P2RY8: variants seen among roughly 807,000 people sequenced by gnomAD.
P2RY8 encodes S-geranylgeranyl-glutathione receptor P2RY8.
A neutral mutation model predicts 10.0 loss-of-function variants in P2RY8; 6 were observed. The observed-to-expected ratio is 0.60, with a 90% CI of 0.33 to 1.19. The LOEUF is 1.19. Among genes scored for constraint, P2RY8 ranks in the 50% most tolerant of loss-of-function variants. The pLI is 0.04. For missense variants in P2RY8, 456 were observed against 542.0 expected (o/e 0.84, Z 1.58); for synonymous variants, 276 against 252.5 (o/e 1.09, Z -0.88).
intron 1 of P2RY8, among the ~76,000 whole-genome samples, chrX:1,521,344 C>A (rs1483881226): frequency 9.2e-5 from 14 of 152,148 alleles, no homozygotes; most frequent in Non-Finnish European, 1.5e-4. Context: ...CCGCGCCCGG[C>A]CTTTATCCTC....
At position 1,466,259 on chromosome X, in the gene P2RY8, G is replaced by A. The variant is rs367858069; in HGVS notation, c.300C>T (p.Thr100=). 1 of 1,613,848 alleles carries A rather than the reference G, an allele frequency of 6.2e-7. No individual in the cohort carries two copies. Among genetic ancestry groups the A allele is most frequent in the Non-Finnish European group, 8.5e-7 (1 of 1,179,838 alleles). The change falls in exon 2 of 2, where the codon ACC becomes ACT. Residue 100 remains threonine, a synonymous_variant. Coordinates refer to ENST00000381297, the MANE Select transcript of P2RY8 (RefSeq NM_178129.5). ...AATACATGTTTGCGTAAAAGGCCAC[G>A]GTCACCACGTTGCAAAGCAGCACCC... The part of the protein sequence containing the change: ...VFGVLLCNVV[T]VAFYANMYSS...
rs1339455244 is a variant in P2RY8, at chrX:1,515,484, G to T, written c.-25+21437C>A. On this transcript the variant is annotated intron_variant, in intron 1 of 1. Transcript: ENST00000381297. ...CCTCCCAGGTTCAAGCGATTCCCCT[G>T]CCTCAGCTTCCCGAGTAGCTGGGAC... is the stretch of plus-strand genomic sequence containing the variant. Among the ~76,000 whole-genome samples, 4 of 150,962 alleles carry T rather than the reference G, an allele frequency of 2.6e-5. No individual in the cohort carries two copies. In the East Asian group the frequency reaches 7.9e-4, roughly 30 times the overall value.
intron 1 of P2RY8, among the ~76,000 whole-genome samples, chrX:1,515,019 T>C (rs1426870519): frequency 5.4e-5 from 8 of 149,360 alleles, no homozygotes; most frequent in African/African-American, 1.7e-4. Flanking sequence ...TTCTCCTGCC[T>C]CAGCCTCCCG....
chrX:1,486,612 A>G (rs1410841507), intron 1 of P2RY8, among the ~76,000 whole-genome samples: 1 of 152,228 alleles, frequency 6.6e-6, no homozygotes, highest in African/African-American at 2.4e-5. Flanking sequence ...TTCCTTTTGC[A>G]GGAATGACAA....
chrX:1,480,188 C>T (rs2091918354), intron 1 of P2RY8, among the ~76,000 whole-genome samples: 1 of 152,184 alleles, frequency 6.6e-6, no homozygotes, highest in African/African-American at 2.4e-5. Context: ...AACACTCATT[C>T]TCACACCCTC....
chrX:1,521,642 A>G lies in P2RY8; in HGVS notation c.-25+15279T>C, dbSNP rs180678452. Among the ~76,000 whole-genome samples the G allele has an allele frequency of 2.8e-3, 424 of 152,258 alleles. 1 individual carries two copies. The highest frequency in any genetic ancestry group is 9.6e-3 in the African/African-American group (397 of 41,552). On this transcript the variant is annotated intron_variant, in intron 1 of 1. Coordinates refer to ENST00000381297, the MANE Select transcript of P2RY8 (RefSeq NM_178129.5). ...TTGGACCCTGCCTGCAGGAATGTGG[A>G]CCGTCAGTCATTTGCATGAGTGCTT... is the stretch of plus-strand genomic sequence containing the variant.
chrX:1,519,092 C>T lies in P2RY8; in HGVS notation c.-25+17829G>A, dbSNP rs192357659. 3.3e-5 allele frequency among the ~76,000 whole-genome samples: 5 copies of T among 151,136 alleles called. No individual in the cohort carries two copies. In the East Asian group the frequency reaches 9.9e-4, roughly 30 times the overall value. On this transcript the variant is annotated intron_variant, in intron 1 of 1. Transcript: ENST00000381297. ...CCTCTGGTCCCCAATAATCTTTCGG[C>T]TCCCCAATATTCTCTCTGATCCCCA...
chrX:1,504,295 A>C (rs1289510525), intron 1 of P2RY8, among the ~76,000 whole-genome samples: 1 of 146,882 alleles, frequency 6.8e-6, no homozygotes, highest in Non-Finnish European at 1.5e-5. Context: ...CAGCCTGGGC[A>C]ACAGACCAAG....
At chrX:1,534,225 A>G (rs1262104831) in intron 1 of P2RY8, among the ~76,000 whole-genome samples, 1 of 142,510 alleles carries the variant, frequency 7.0e-6, no homozygotes, top group Non-Finnish European at 1.5e-5. Context: ...TACTATTTAT[A>G]TATTATATAT....
intron 1 of P2RY8, among the ~76,000 whole-genome samples, chrX:1,509,753 C>T (rs866549767): frequency 2.4e-5 from 2 of 81,862 alleles, no homozygotes; most frequent in South Asian, 3.6e-4. Context: ...ATCTATCTGT[C>T]TATCTATCTA....
chrX:1,489,296 G>A (rs1311346212), intron 1 of P2RY8, among the ~76,000 whole-genome samples: 10 of 151,828 alleles, frequency 6.6e-5, no homozygotes, highest in African/African-American at 2.4e-4. Flanking sequence ...CAAATGTAGA[G>A]GGAATGAATA....
intron 1 of P2RY8, chrX:1,494,467 G>A (rs768906877): frequency 1.3e-5 from 2 of 152,212 alleles, no homozygotes; most frequent in Non-Finnish European, 2.9e-5. Flanking sequence ...CCCAGGGAGC[G>A]AGGTCAGGTA....
At chrX:1,476,552 A>C (rs1388640391) in intron 1 of P2RY8, among the ~76,000 whole-genome samples, 2 of 151,526 alleles carry the variant, frequency 1.3e-5, no homozygotes, top group African/African-American at 2.4e-5. Flanking sequence ...GCACCACTGC[A>C]CTCCAGCCTG....
At chrX:1,536,040 G>A (rs2092523791) in intron 1 of P2RY8, among the ~76,000 whole-genome samples, 1 of 152,054 alleles carries the variant, frequency 6.6e-6, no homozygotes, top group Non-Finnish European at 1.5e-5. Context: ...GGCACCCATA[G>A]GGCTTTAAAA....
intron 1 of P2RY8, among the ~76,000 whole-genome samples, chrX:1,511,990 C>T (rs2092300577): frequency 6.6e-6 from 1 of 152,128 alleles, no homozygotes; most frequent in East Asian, 1.9e-4. Context: ...CCCACCTGTT[C>T]CTCTGCCTTT....
intron 1 of P2RY8, among the ~76,000 whole-genome samples, chrX:1,534,163 A>G (rs2092506838): frequency 7.3e-6 from 1 of 136,670 alleles, no homozygotes; most frequent in Admixed American, 8.0e-5. Context: ...TATATACAAT[A>G]TATTTACATA....
At chrX:1,503,475 T>C (rs1429091095) in intron 1 of P2RY8, among the ~76,000 whole-genome samples, 8 of 152,152 alleles carry the variant, frequency 5.3e-5, no homozygotes, top group Non-Finnish European at 1.2e-4. Flanking sequence ...AAAATACAAC[T>C]GCCAGCTGGG....
Position 1,497,325 on chromosome X carries a change from CT to C in P2RY8, c.-24-30744del, listed in dbSNP as rs1378912732. On this transcript the variant is annotated intron_variant, in intron 1 of 1. Transcript: ENST00000381297. The stretch of plus-strand genomic sequence containing the variant: ...AATAGCATGTTAATTAGGGTTTTCT[CT>C]TTTTTTTTTTCAAGACAAGGTCTCA... 3.5e-4 allele frequency among the ~76,000 whole-genome samples: 49 copies of C among 140,988 alleles called. No individual in the cohort carries two copies. In the East Asian group the frequency reaches 6.5e-3, roughly 19 times the overall value. 92.5% of individuals were successfully genotyped at this position (140,988 alleles called of 152,430 possible).
intron 1 of P2RY8, among the ~76,000 whole-genome samples, chrX:1,477,761 C>G (rs1334586737): frequency 6.6e-6 from 1 of 152,132 alleles, no homozygotes; most frequent in Non-Finnish European, 1.5e-5. Flanking sequence ...GAGAAACCTG[C>G]CCTCAAGCAA....
Sources: gnomAD v4.1 joint callset for allele counts (sites outside exome capture counted in the v4.1 genomes callset) on GRCh38, gnomAD v4.1.1 for gene constraint, MANE v1.5 for transcripts, NCBI Gene and HGNC (gene_info 2026-07-23, HGNC 2026-07-21) for gene names.